The following CLK4 variants were observed in gnomAD, a reference collection of about 807,000 sequenced individuals.
The protein encoded by CLK4 is dual specificity protein kinase CLK4.
Under a neutral mutation model 64.4 loss-of-function variants are expected in CLK4, and 37 were observed. That is an observed-to-expected ratio of 0.57 (90% CI 0.44 to 0.76). CLK4 has a LOEUF of 0.76. Among genes scored for constraint, CLK4 ranks in the 30% least tolerant of loss-of-function variants. CLK4 has a pLI of 0.00. For missense variants in CLK4, 457 were observed against 605.1 expected (o/e 0.76, Z 2.57); for synonymous variants, 175 against 191.6 (o/e 0.91, Z 0.72).
chr5:178,603,289 T>G lies in CLK4; in HGVS notation c.*328A>C, dbSNP rs184672636. 3.6e-3 allele frequency: 593 copies of G among 163,822 alleles called. 4 individuals carry two copies. The highest frequency in any genetic ancestry group is 6.3e-3 in the Admixed American group (99 of 15,642). The allele number at this position is 163,822 out of a possible 1,614,324, so 10.1% of individuals were successfully genotyped here. On this transcript the variant is annotated 3_prime_UTR_variant, in exon 13 of 13. Coordinates refer to ENST00000316308, the MANE Select transcript of CLK4 (RefSeq NM_020666.3). ...AGAATATAAAGTAGTCAAGATTTCC[T>G]TTTACTCAAAAAAAATCACTTCAGA...
rs1764660992 is a variant in CLK4 at position 178,618,593 on chromosome 5, T to C, written c.347A>G (p.Lys116Arg). Residue 116 changes from lysine to arginine, a missense_variant, in exon 3 of 13, where the codon AAG becomes AGG. Coordinates refer to ENST00000316308, the MANE Select transcript of CLK4 (RefSeq NM_020666.3). Reference protein sequence around the residue: ...VRSRRSSPKRKRNRHCSSHQS... With the variant: ...VRSRRSSPKRRRNRHCSSHQS... ...ATGACTTGAACAGTGTCTATTGCGCTTCCTTTTAGGACTGCTTCTCCTGCT... is the reference window on the plus strand; with the variant it reads ...ATGACTTGAACAGTGTCTATTGCGCCTCCTTTTAGGACTGCTTCTCCTGCT... The C allele has an allele frequency of 6.2e-7, 1 of 1,613,902 alleles. No homozygotes were observed. The highest frequency in any genetic ancestry group is 1.3e-5 in the African/African-American group (1 of 74,904).
At chr5:178,626,360 G>C (rs1326280424) in intron 1 of CLK4, among the ~76,000 whole-genome samples, 7 of 152,218 alleles carry the variant, frequency 4.6e-5, no homozygotes, top group Admixed American at 3.3e-4. Flanking sequence ...GTTCAGCATA[G>C]CACAGAGGAC....
chr5:178,622,990 A>G (rs1764729541), intron 2 of CLK4: 1 of 376,410 alleles, frequency 2.7e-6, no homozygotes, highest in Admixed American at 4.7e-5. Flanking sequence ...GGGACTCACC[A>G]TGTTATTTAA....
At chr5:178,604,139 A>G (rs556984931) in intron 11 of CLK4, 3 of 383,168 alleles carry the variant, frequency 7.8e-6, no homozygotes, top group South Asian at 5.8e-5. Context: ...TAGTCTCTCA[A>G]CTAAGTTGTT....
At chr5:178,611,191 G>T (rs1350662581) in intron 9 of CLK4, among the ~76,000 whole-genome samples, 1 of 152,030 alleles carries the variant, frequency 6.6e-6, no homozygotes, top group African/African-American at 2.4e-5. Context: ...CCAAATATTT[G>T]GGGAAAAATC....
In CLK4 at chr5:178,616,769, C is replaced by G. The variant is rs1039381772; in HGVS notation, c.542+113G>C. The G allele has an allele frequency of 8.8e-6, 7 of 792,714 alleles. No homozygotes were observed. In the African/African-American group the frequency reaches 1.2e-4, roughly 14 times the overall value. 49.1% of individuals were successfully genotyped at this position (792,714 alleles called of 1,614,324 possible). A position where few individuals can be genotyped will look rare whatever the true frequency, so the allele number is the denominator to read the frequency against. ...CAAGATAGCACCACTGCACTCAAGC[C>G]TGGGCAACAGAGGCCCTATCTCAAA... is the stretch of plus-strand genomic sequence containing the variant. On this transcript the variant is annotated intron_variant, in intron 5 of 12. Coordinates refer to ENST00000316308, the MANE Select transcript of CLK4 (RefSeq NM_020666.3).
intron 10 of CLK4, 132 bp downstream of exon 10, chr5:178,608,244 C>A (rs2113801443): frequency 8.3e-6 from 5 of 604,534 alleles, no homozygotes; most frequent in South Asian, 2.3e-5. Flanking sequence ...AAAGAATGAC[C>A]ATTTTGCCTA....
chr5:178,610,413 T>C (rs560310554), intron 9 of CLK4, among the ~76,000 whole-genome samples: 1 of 152,290 alleles, frequency 6.6e-6, no homozygotes, highest in East Asian at 1.9e-4. Context: ...AGTTAGCTTT[T>C]ATACCCAACA....
intron 2 of CLK4, chr5:178,621,977 T>G (rs569541994): frequency 6.6e-6 from 1 of 152,200 alleles, no homozygotes; most frequent in African/African-American, 2.4e-5. Flanking sequence ...TTCTGGATCA[T>G]GGTAAACGCT....
At chr5:178,611,808 G>A (rs538076537) in intron 9 of CLK4, among the ~76,000 whole-genome samples, 1 of 152,322 alleles carries the variant, frequency 6.6e-6, no homozygotes, top group East Asian at 1.9e-4. Context: ...TGATCTGAAT[G>A]TTTCCCAATG....
At chr5:178,608,958 C>T (rs1246560091) in intron 9 of CLK4, among the ~76,000 whole-genome samples, 2 of 152,130 alleles carry the variant, frequency 1.3e-5, no homozygotes, top group Non-Finnish European at 2.9e-5. Context: ...CCGTTTTGCA[C>T]AAATTGTATA....
intron 9 of CLK4, among the ~76,000 whole-genome samples, chr5:178,610,826 C>A (rs1350334055): frequency 2.6e-5 from 4 of 151,884 alleles, no homozygotes; most frequent in Non-Finnish European, 5.9e-5. Flanking sequence ...AATCCAAGCA[C>A]TTTGGGAGGC....
At chr5:178,622,337 A>G (rs756121469) in intron 2 of CLK4, 4 of 722,436 alleles carry the variant, frequency 5.5e-6, no homozygotes, top group Non-Finnish European at 5.1e-6. Context: ...CTGACTACAA[A>G]TAAGCTGTTT....
chr5:178,624,434 AG>A (rs1764752022), intron 1 of CLK4, among the ~76,000 whole-genome samples: 1 of 152,232 alleles, frequency 6.6e-6, no homozygotes, highest in Non-Finnish European at 1.5e-5. Context: ...ACTCTGAAAA[AG>A]AACTCAACCT....
chr5:178,617,722 T>C lies in CLK4; in HGVS notation c.385-288A>G. ...TTGTCTCTTTAAAATACTGATTTAA[T>C]TGAAGTCTGAAATTTAAAGAATGCA... On this transcript the variant is annotated intron_variant, in intron 3 of 12. Transcript: ENST00000316308. This position sits in a 1 kb window ranked among gnomAD's most constrained non-coding sequence, Gnocchi z 5.2. The C allele has an allele frequency of 4.6e-6, 1 of 219,240 alleles. No individual in the cohort carries two copies. The highest frequency in any genetic ancestry group is 1.3e-4 in the South Asian group (1 of 7,528). The allele number at this position is 219,240 out of a possible 1,614,324, so 13.6% of individuals were successfully genotyped here. A position where few individuals can be genotyped will look rare whatever the true frequency, so the allele number is the denominator to read the frequency against.
intron 10 of CLK4, among the ~76,000 whole-genome samples, chr5:178,605,633 C>A (rs1311311123): frequency 2.6e-5 from 4 of 152,186 alleles, no homozygotes; most frequent in African/African-American, 9.7e-5. Context: ...TACATACAGT[C>A]CCAATAATTC....
rs1184131468 is a variant in CLK4, at chr5:178,613,671, T to C, written c.660-32A>G. On this transcript the variant is annotated intron_variant, in intron 6 of 12. Coordinates refer to ENST00000316308, the MANE Select transcript of CLK4 (RefSeq NM_020666.3). ...CAGAGCAAAATAATAATTCAGTTTA[T>C]GGAAACCTGAATATTTCATGTAATA... 4 of 1,606,130 alleles carry C rather than the reference T, an allele frequency of 2.5e-6. No homozygotes were observed. The African/African-American group carries it at 4.0e-5, about 16-fold the overall frequency.
intron 9 of CLK4, among the ~76,000 whole-genome samples, chr5:178,609,563 A>G (rs982561451): frequency 6.6e-6 from 1 of 152,012 alleles, no homozygotes; most frequent in African/African-American, 2.4e-5. Context: ...GACGCCTGTA[A>G]TCCCAGTGAC....
chr5:178,612,977 T>TC, intron 7 of CLK4, 87 bp from the exon 8 acceptor site: 1 of 632,254 alleles, frequency 1.6e-6, no homozygotes, highest in Non-Finnish European at 2.8e-6. Flanking sequence ...AAGGATATAG[T>TC]GGTCAAGAGA....
Sources: allele counts gnomAD v4.1 joint callset (sites outside exome capture counted in the v4.1 genomes callset), GRCh38; gene constraint gnomAD v4.1.1; non-coding constraint Gnocchi (gnomAD v3.1); transcripts MANE v1.5; gene names NCBI Gene and HGNC (gene_info 2026-07-23, HGNC 2026-07-21).